Variants in CHRM3 observed in about 807,000 individuals in gnomAD.
CHRM3 encodes cholinergic receptor muscarinic 3.
A neutral mutation model predicts 41.8 loss-of-function variants in CHRM3; 11 were observed. That is an observed-to-expected ratio of 0.26 (90% CI 0.17 to 0.44). The LOEUF (loss-of-function observed/expected upper bound fraction) is 0.44. Ranked by LOEUF, CHRM3 falls within the 20% of genes least tolerant of loss-of-function variation. The probability of loss-of-function intolerance (pLI) is 1.00; values close to 1 mark genes in which losing one functional copy is unlikely to be tolerated. For missense variants in CHRM3, 571 were observed against 745.4 expected (o/e 0.77, Z 2.72); for synonymous variants, 297 against 301.4 (o/e 0.99, Z 0.15).
intron 1 of CHRM3, among the ~76,000 whole-genome samples, chr1:239,441,735 A>C (rs952381609): frequency 7.7e-5 from 11 of 143,760 alleles, no homozygotes; most frequent in African/African-American, 3.3e-4. Flanking sequence ...GGCTTTTGCC[A>C]ATTTTTTATA....
intron 1 of CHRM3, among the ~76,000 whole-genome samples, chr1:239,415,961 G>A (rs1466228896): frequency 1.3e-5 from 2 of 152,162 alleles, no homozygotes; most frequent in Admixed American, 6.5e-5. Flanking sequence ...AATTAAGGAA[G>A]AAAAGCAGAC....
chr1:239,594,964 C>T lies in CHRM3; in HGVS notation c.-312-37260C>T, dbSNP rs188962396. Reference sequence around the variant, plus strand: ...ATTAGCCGGGCGTGGTGGCACATTCCTGTAATCCCAGATACTTGGGAGGCT... The same window carrying T: ...ATTAGCCGGGCGTGGTGGCACATTCTTGTAATCCCAGATACTTGGGAGGCT... On this transcript the variant is annotated intron_variant, in intron 3 of 6. Transcript: ENST00000676153. Among the ~76,000 whole-genome samples the T allele has an allele frequency of 3.7e-3, 556 of 152,294 alleles. 4 individuals are homozygous for T. The highest frequency in any genetic ancestry group is 0.031 in the Middle Eastern group (9 of 292).
intron 6 of CHRM3, among the ~76,000 whole-genome samples, chr1:239,862,479 A>G (rs959669862): frequency 6.6e-6 from 1 of 152,218 alleles, no homozygotes; most frequent in African/African-American, 2.4e-5. Context: ...ATGACATTAC[A>G]TTATTTTAAA....
chr1:239,433,832 A>G (rs1663023220), intron 1 of CHRM3, among the ~76,000 whole-genome samples: 1 of 152,138 alleles, frequency 6.6e-6, no homozygotes, highest in South Asian at 2.1e-4. Flanking sequence ...GTATATACAT[A>G]TATACCACAA....
At chr1:239,839,509 C>A (rs910925559) in intron 6 of CHRM3, among the ~76,000 whole-genome samples, 2 of 152,138 alleles carry the variant, frequency 1.3e-5, no homozygotes, top group South Asian at 4.1e-4. Flanking sequence ...AAGAGAGCTT[C>A]AACTTAATTC....
chr1:239,424,155 T>C (rs759404417), intron 1 of CHRM3, among the ~76,000 whole-genome samples: 7 of 152,012 alleles, frequency 4.6e-5, no homozygotes, highest in Non-Finnish European at 8.8e-5. Flanking sequence ...TTGCGCAATG[T>C]GCTTCCATAG....
At chr1:239,602,082 A>C (rs1026037584) in intron 3 of CHRM3, among the ~76,000 whole-genome samples, 2 of 49,102 alleles carry the variant, frequency 4.1e-5, no homozygotes, top group African/African-American at 8.6e-5. Context: ...GTACACATAC[A>C]TATATACATG....
chr1:239,668,850 T>C (rs1330274878), intron 4 of CHRM3, among the ~76,000 whole-genome samples: 1 of 152,178 alleles, frequency 6.6e-6, no homozygotes, highest in Non-Finnish European at 1.5e-5. Flanking sequence ...TGGGGTCTTA[T>C]TCAGAGAACA....
chr1:239,553,939 A>G (rs1435083789), intron 3 of CHRM3, among the ~76,000 whole-genome samples: 1 of 152,146 alleles, frequency 6.6e-6, no homozygotes, highest in Non-Finnish European at 1.5e-5. Context: ...CCCAGGCTAG[A>G]GTGCAGTGGC....
At chr1:239,797,356 T>C (rs1669868590) in intron 5 of CHRM3, among the ~76,000 whole-genome samples, 1 of 149,228 alleles carries the variant, frequency 6.7e-6, no homozygotes. Context: ...TAAAATAAAA[T>C]GAAAATCTCT....
intron 5 of CHRM3, among the ~76,000 whole-genome samples, chr1:239,735,726 C>T (rs948727005): frequency 2.0e-5 from 3 of 152,050 alleles, no homozygotes; most frequent in East Asian, 1.9e-4. Flanking sequence ...TTCTTTTGTC[C>T]TTGACAATGT....
rs182485008 is a variant in CHRM3 at position 239,579,482 on chromosome 1, T to C, written c.-313+33733T>C. 5.5e-3 allele frequency among the ~76,000 whole-genome samples: 842 copies of C among 152,330 alleles called. 5 individuals carry two copies. The highest frequency in any genetic ancestry group is 0.016 in the African/African-American group (661 of 41,580). On this transcript the variant is annotated intron_variant, in intron 3 of 6. Transcript: ENST00000676153. ...TTTATTTCGAAGGTCACCAGCCTTA[T>C]CTAAGGACTATCACTTGTGGATTCT...
intron 3 of CHRM3, among the ~76,000 whole-genome samples, chr1:239,613,215 A>C (rs79132989): frequency 0.018 from 2,676 of 152,282 alleles, 78 homozygotes; most frequent in African/African-American, 0.06. Context: ...GATTTTGCTA[A>C]ACCAAGAACA....
chr1:239,390,686 C>T (rs1168452900), intron 1 of CHRM3, among the ~76,000 whole-genome samples: 1 of 151,670 alleles, frequency 6.6e-6, no homozygotes, highest in Non-Finnish European at 1.5e-5. Flanking sequence ...GCAACCTCCG[C>T]CTCCCAGGTT....
chr1:239,533,101 A>G (rs905976860), intron 2 of CHRM3, among the ~76,000 whole-genome samples: 1 of 152,140 alleles, frequency 6.6e-6, no homozygotes, highest in East Asian at 1.9e-4. Context: ...TTTAGAACAG[A>G]AAAACATTCT....
chr1:239,388,335 T>C (rs1285796188), intron 1 of CHRM3, among the ~76,000 whole-genome samples: 1 of 152,222 alleles, frequency 6.6e-6, no homozygotes, highest in African/African-American at 2.4e-5. Context: ...TATTTCACCA[T>C]ATGCTTTGCA....
chr1:239,639,565 G>C (rs1469270491), intron 4 of CHRM3, among the ~76,000 whole-genome samples: 1 of 151,788 alleles, frequency 6.6e-6, no homozygotes, highest in Non-Finnish European at 1.5e-5. Context: ...CTCTCTGTTT[G>C]TCTGTTATTG....
At chr1:239,808,746 C>G (rs1031389575) in intron 5 of CHRM3, among the ~76,000 whole-genome samples, 6 of 152,020 alleles carry the variant, frequency 3.9e-5, no homozygotes, top group African/African-American at 1.4e-4. Flanking sequence ...AGAACTGCCC[C>G]AATACTTGCA....
At chr1:239,552,947 T>C (rs549450031) in intron 3 of CHRM3, among the ~76,000 whole-genome samples, 1 of 152,262 alleles carries the variant, frequency 6.6e-6, no homozygotes, top group South Asian at 2.1e-4. Context: ...ACTTCCAGTT[T>C]TATGTTGAAA....
Sources: gnomAD v4.1 joint callset for allele counts (sites outside exome capture counted in the v4.1 genomes callset) on GRCh38, gnomAD v4.1.1 for gene constraint, MANE v1.5 for transcripts, NCBI Gene and HGNC (gene_info 2026-07-23, HGNC 2026-07-21) for gene names.